Variants in GLYR1 observed in about 807,000 individuals in gnomAD.
GLYR1 encodes glyoxylate reductase 1 homolog.
Under a neutral mutation model 72.7 loss-of-function variants are expected in GLYR1, and 21 were observed. The observed-to-expected ratio is 0.29, with a 90% confidence interval of 0.20 to 0.42. The LOEUF is 0.42. Ranked by LOEUF, GLYR1 falls within the 10% of genes least tolerant of loss-of-function variation. The probability of loss-of-function intolerance (pLI) is 1.00; values close to 1 mark genes in which losing one functional copy is unlikely to be tolerated. For missense variants in GLYR1, 594 were observed against 712.1 expected (o/e 0.83, Z 1.89); for synonymous variants, 392 against 270.2 (o/e 1.45, Z -4.42).
intron 3 of GLYR1, chr16:4,843,559 G>C: frequency 7.8e-7 from 1 of 1,289,084 alleles, no homozygotes; most frequent in Non-Finnish European, 1.0e-6. Flanking sequence ...TGCCACCACA[G>C]GCTGCTAAGC....
rs1555504982 is a variant in GLYR1, at chr16:4,837,932, A to AAATT, written c.156-5021_156-5020insAATT. Among the ~76,000 whole-genome samples, 188 of 142,512 alleles carry AAATT rather than the reference A, an allele frequency of 1.3e-3. 6 individuals carry two copies. The South Asian group carries it at 0.039, about 30-fold the overall frequency. The allele number at this position is 142,512 out of a possible 152,430, so 93.5% of individuals were successfully genotyped here. On this transcript the variant is annotated intron_variant, in intron 3 of 15. Coordinates refer to ENST00000321919, the MANE Select transcript of GLYR1 (RefSeq NM_032569.4). ...GCGACAGAGCGAGACTCCATCTCAAAAAATAAATAAATAAATAAATAAATA... is the reference window on the plus strand; with the variant it reads ...GCGACAGAGCGAGACTCCATCTCAAAAATTAAATAAATAAATAAATAAATAAATA...
Position 4,832,014 on chromosome 16 carries a change from G to A in GLYR1, c.502C>T (p.Pro168Ser), listed in dbSNP as rs753780878. Reference protein sequence around the residue: ...SPLKRAQEQSPRKRGRPPKDE... With the variant: ...SPLKRAQEQSSRKRGRPPKDE... ...TTTGGGGGCCGACCCCGCTTCCGGG[G>A]ACTTTGCTCTTGGGCTCTTTTCAGA... The change falls in exon 5 of 16, where the codon CCC (proline) becomes TCC (serine). Residue 168 changes from proline to serine, a missense_variant. Around this residue, in one of 5 missense-constraint regions of GLYR1, gnomAD observed 252 missense variants for 211.3 expected, o/e 1.19. Transcript: ENST00000321919. The A allele has an allele frequency of 9.3e-6, 15 of 1,614,018 alleles. No individual in the cohort carries two copies. The African/African-American group carries it at 1.9e-4, about 20-fold the overall frequency.
At chr16:4,843,089 T>C (rs781431312) in intron 3 of GLYR1, among the ~76,000 whole-genome samples, 3 of 152,226 alleles carry the variant, frequency 2.0e-5, no homozygotes, top group Non-Finnish European at 4.4e-5. Context: ...CTTGCTTTCT[T>C]ATAAATTCCC....
chr16:4,846,429 GAAC>G (rs1330430592), intron 1 of GLYR1, among the ~76,000 whole-genome samples: 1 of 152,216 alleles, frequency 6.6e-6, no homozygotes, highest in Non-Finnish European at 1.5e-5. Context: ...AAGGAATACA[GAAC>G]AACACAACTG....
intron 9 of GLYR1, among the ~76,000 whole-genome samples, chr16:4,819,290 G>C (rs566033718): frequency 1.3e-5 from 2 of 152,134 alleles, no homozygotes; most frequent in African/African-American, 4.8e-5. Flanking sequence ...TAGGATTATG[G>C]GCGTGAGCCA....
chr16:4,818,522 A>C (rs2083797076), intron 9 of GLYR1, among the ~76,000 whole-genome samples: 1 of 152,022 alleles, frequency 6.6e-6, no homozygotes, highest in Admixed American at 6.6e-5. Context: ...GGCTTAAGGG[A>C]TCCGCCCACC....
rs1467956887 is a variant in GLYR1, at chr16:4,805,008, GCT to G, written c.*226_*227del. 5.3e-6 allele frequency: 3 copies of G among 571,096 alleles called. No homozygotes were observed. The highest frequency in any genetic ancestry group is 9.5e-6 in the Non-Finnish European group (3 of 316,180). 35.4% of individuals were successfully genotyped at this position (571,096 alleles called of 1,614,324 possible). The stretch of plus-strand genomic sequence containing the variant: ...ACCTCGTCCGGGGGGCCAGTGCCCA[GCT>G]CAAGAGCTTTCCCACACGCCAATCC... On this transcript the variant is annotated 3_prime_UTR_variant, in exon 16 of 16. Coordinates refer to ENST00000321919, the MANE Select transcript of GLYR1 (RefSeq NM_032569.4).
At chr16:4,819,361 G>GC (rs1442228723) in intron 9 of GLYR1, among the ~76,000 whole-genome samples, 6 of 152,080 alleles carry the variant, frequency 3.9e-5, no homozygotes, top group Non-Finnish European at 8.8e-5. Flanking sequence ...AGGCTGGAGT[G>GC]CAGGGGGGTG....
In GLYR1 at chr16:4,805,170, C is replaced by A; in HGVS notation, c.*66G>T. 1 of 1,372,854 alleles carries A rather than the reference C, an allele frequency of 7.3e-7. No individual in the cohort carries two copies. Among genetic ancestry groups the A allele is most frequent in the African/African-American group, 1.4e-5 (1 of 70,336 alleles). 85.0% of individuals were successfully genotyped at this position (1,372,854 alleles called of 1,614,324 possible). A position where few individuals can be genotyped will look rare whatever the true frequency, so the allele number is the denominator to read the frequency against. On this transcript the variant is annotated 3_prime_UTR_variant, in exon 16 of 16. Transcript: ENST00000321919. ...GGTCCAGAATGAACTCCCAGGCCCC[C>A]GACCCCATGTGAGGAAGAGGGGGTC...
rs138849832 is a variant in GLYR1, at chr16:4,810,410, A to G, written c.1587+760T>C. On this transcript the variant is annotated intron_variant, in intron 15 of 15. Transcript: ENST00000321919. Reference sequence around the variant, plus strand: ...CTACTTGGGAGGCTACTTGGGAGGCAGAGGCACAAAAATCTATTGAACCCA... The same window carrying G: ...CTACTTGGGAGGCTACTTGGGAGGCGGAGGCACAAAAATCTATTGAACCCA... 7.8e-3 allele frequency among the ~76,000 whole-genome samples: 1,182 copies of G among 151,952 alleles called. 11 individuals are homozygous for G. The highest frequency in any genetic ancestry group is 0.027 in the African/African-American group (1,131 of 41,422).
intron 15 of GLYR1, 45 bp downstream of exon 15, chr16:4,811,125 A>G: frequency 6.4e-7 from 1 of 1,573,024 alleles, no homozygotes; most frequent in Non-Finnish European, 8.6e-7. Flanking sequence ...AAAAGAAAGA[A>G]AAAGAAACTG....
chr16:4,841,457 CAAAA>C (rs1160441336), intron 3 of GLYR1, among the ~76,000 whole-genome samples: 70 of 31,922 alleles, frequency 2.2e-3, no homozygotes, highest in Admixed American at 6.5e-3. Context: ...CTTGTCTCTA[CAAAA>C]AAAAAAAAAA....
At position 4,823,926 on chromosome 16, in the gene GLYR1, G is replaced by A; in HGVS notation, c.538-19C>T. Reference sequence around the variant, plus strand: ...TGAGATCCTATAGAGGGAGGGGCAGGGCATTTTAAAATCACATTCAAACCC... The same window carrying A: ...TGAGATCCTATAGAGGGAGGGGCAGAGCATTTTAAAATCACATTCAAACCC... On this transcript the variant is annotated intron_variant, in intron 5 of 15. Transcript: ENST00000321919. 1.2e-6 allele frequency: 2 copies of A among 1,602,616 alleles called. No individual in the cohort carries two copies. Among genetic ancestry groups the A allele is most frequent in the Non-Finnish European group, 1.7e-6 (2 of 1,169,848 alleles).
chr16:4,836,458 A>G (rs569878966), intron 3 of GLYR1, among the ~76,000 whole-genome samples: 6 of 152,322 alleles, frequency 3.9e-5, no homozygotes, highest in Middle Eastern at 3.4e-3. Context: ...AGTCAGAAAA[A>G]TCAAGCTTAT....
At chr16:4,840,119 C>G (rs909254005) in intron 3 of GLYR1, 1 of 152,406 alleles carries the variant, frequency 6.6e-6, no homozygotes, top group African/African-American at 2.4e-5. Context: ...AATCCCCTTG[C>G]AATACCTGTT....
rs2086199461 is a variant in GLYR1, at chr16:4,847,114, C to T, written c.38+114G>A. The T allele has an allele frequency of 4.5e-5, 46 of 1,012,982 alleles. 1 individual carries two copies. The South Asian group carries it at 6.2e-4, about 14-fold the overall frequency. The allele number at this position is 1,012,982 out of a possible 1,614,324, so 62.7% of individuals were successfully genotyped here. A position where few individuals can be genotyped will look rare whatever the true frequency, so the allele number is the denominator to read the frequency against. On this transcript the variant is annotated intron_variant, in intron 1 of 15. Coordinates refer to ENST00000321919, the MANE Select transcript of GLYR1 (RefSeq NM_032569.4). ...GCAAGCGCCGGCACCTTCTCTTCCC[C>T]TCTCTCCGCGACCTGGAGCGCATAA...
chr16:4,836,588 C>T (rs1014964555), intron 3 of GLYR1, among the ~76,000 whole-genome samples: 1 of 152,086 alleles, frequency 6.6e-6, no homozygotes, highest in Non-Finnish European at 1.5e-5. Context: ...GCGGATGTCT[C>T]GTAAGATATC....
chr16:4,823,069 TTCCC>T, intron 6 of GLYR1, 138 bp from the exon 7 acceptor site: 1 of 763,308 alleles, frequency 1.3e-6, no homozygotes, highest in East Asian at 2.6e-5. Context: ...GGAAACTCTT[TTCCC>T]ATTTTGGCCT....
intron 3 of GLYR1, chr16:4,843,388 C>A (rs112453385): frequency 0.01 from 9,506 of 928,696 alleles, 71 homozygotes; most frequent in Non-Finnish European, 0.012. Context: ...CTCATGACCT[C>A]CAGTGATCCA....
Sources: gnomAD v4.1 joint callset for allele counts (sites outside exome capture counted in the v4.1 genomes callset) on GRCh38, gnomAD v4.1.1 for gene constraint, gnomAD v4.1.1 regional missense constraint, MANE v1.5 for transcripts, NCBI Gene and HGNC (gene_info 2026-07-23, HGNC 2026-07-21) for gene names.